The following ATP8A1 variants were observed in gnomAD, a reference collection of about 807,000 sequenced individuals.
ATP8A1 encodes ATPase phospholipid transporting 8A1, also known as phospholipid-transporting ATPase IA.
ATP8A1 carries 90 observed loss-of-function variants against 177.7 expected under a neutral mutation model. The observed-to-expected ratio is 0.51, with a 90% confidence interval of 0.43 to 0.60. The LOEUF is 0.60. Among genes scored for constraint, ATP8A1 ranks in the 20% least tolerant of loss-of-function variants. The pLI, the probability that ATP8A1 is intolerant of heterozygous loss-of-function variation, is 0.00. For missense variants in ATP8A1, 1,072 were observed against 1,392.8 expected (o/e 0.77, Z 3.67); for synonymous variants, 493 against 485.9 (o/e 1.01, Z -0.19).
chr4:42,431,779 T>C (rs1715335210), intron 33 of ATP8A1, among the ~76,000 whole-genome samples: 1 of 152,178 alleles, frequency 6.6e-6, no homozygotes, highest in African/African-American at 2.4e-5. Context: ...CTCACATTTC[T>C]CTTTTTAAAA....
chr4:42,485,984 C>A (rs1356259030), intron 24 of ATP8A1, among the ~76,000 whole-genome samples: 1 of 152,156 alleles, frequency 6.6e-6, no homozygotes. Context: ...GTTTGAAATG[C>A]TTGTTCCCCG....
intron 5 of ATP8A1, among the ~76,000 whole-genome samples, chr4:42,612,113 G>A (rs1736429263): frequency 6.6e-6 from 1 of 152,130 alleles, no homozygotes; most frequent in Non-Finnish European, 1.5e-5. Context: ...AGATAAAGTG[G>A]CAAGAACTTC....
In ATP8A1 at chr4:42,412,792, C is replaced by T. The variant is rs1055846896; in HGVS notation, c.*124G>A. On this transcript the variant is annotated 3_prime_UTR_variant, in exon 37 of 37. Transcript: ENST00000381668. ...ATACATGAATCTGAATGTCCATCAG[C>T]GAGATGAGCTCAGATCTACCTTTCC... 2.6e-5 allele frequency: 18 copies of T among 701,894 alleles called. No individual in the cohort carries two copies. The highest frequency in any genetic ancestry group is 1.3e-4 in the African/African-American group (7 of 55,882). The allele number at this position is 701,894 out of a possible 1,614,324, so 43.5% of individuals were successfully genotyped here. A position where few individuals can be genotyped will look rare whatever the true frequency, so the allele number is the denominator to read the frequency against.
chr4:42,647,712 A>G (rs1740681663), intron 1 of ATP8A1, among the ~76,000 whole-genome samples: 3 of 152,070 alleles, frequency 2.0e-5, no homozygotes, highest in Admixed American at 2.0e-4. Context: ...CTGATTTGTA[A>G]GTAGATTCCA....
At chr4:42,636,154 A>ACGCGCGGGCGCGCG (rs765930469) in intron 1 of ATP8A1, among the ~76,000 whole-genome samples, 1 of 47,540 alleles carries the variant, frequency 2.1e-5, no homozygotes, top group African/African-American at 4.3e-5. Context: ...ACACACACAC[A>ACGCGCGGGCGCGCG]CACGCACACA....
At chr4:42,605,222 A>G (rs1735676785) in intron 5 of ATP8A1, among the ~76,000 whole-genome samples, 1 of 152,208 alleles carries the variant, frequency 6.6e-6, no homozygotes, top group African/African-American at 2.4e-5. Flanking sequence ...CCAATGAACT[A>G]TTTTAACATT....
chr4:42,512,814 G>C (rs1725145721), intron 22 of ATP8A1, among the ~76,000 whole-genome samples: 1 of 152,186 alleles, frequency 6.6e-6, no homozygotes, highest in African/African-American at 2.4e-5. Context: ...GCCTGGAAAT[G>C]TGCAGTGGTT....
At chr4:42,493,344 A>G (rs2153190989) in intron 24 of ATP8A1, among the ~76,000 whole-genome samples, 1 of 152,350 alleles carries the variant, frequency 6.6e-6, no homozygotes, top group East Asian at 1.9e-4. Flanking sequence ...GAAAAGGGAA[A>G]ATTAAATGTT....
Position 42,524,790 on chromosome 4 carries a change from T to G in ATP8A1, c.1780A>C (p.Lys594Gln), listed in dbSNP as rs981593856. 3.4e-5 allele frequency: 55 copies of G among 1,610,038 alleles called. No individual in the cohort carries two copies. The highest frequency in any genetic ancestry group is 4.5e-5 in the Non-Finnish European group (53 of 1,178,278). Residue 594 changes from lysine to glutamine, a missense_variant, in exon 21 of 37, where the codon AAA (lysine) becomes CAA (glutamine). Around this residue, in one of 5 missense-constraint regions of ATP8A1, gnomAD observed 388 missense variants for 471.7 expected, o/e 0.82. Transcript: ENST00000381668. ...TCTGTAGCAAACTGCTCTAAATGTT[T>G]TAGGGTAATTTCTTTGTATTTTGAC... is the stretch of plus-strand genomic sequence containing the variant. ...ETSKYKEITL[K>Q]HLEQFATEGL...
chr4:42,584,259 G>C (rs1295209580), intron 9 of ATP8A1, among the ~76,000 whole-genome samples: 2 of 151,936 alleles, frequency 1.3e-5, no homozygotes, highest in Non-Finnish European at 2.9e-5. Context: ...AGCAGGGAAA[G>C]AAGGGAATGG....
At chr4:42,512,806 C>T (rs557083082) in intron 22 of ATP8A1, among the ~76,000 whole-genome samples, 23 of 152,256 alleles carry the variant, frequency 1.5e-4, no homozygotes, top group African/African-American at 5.5e-4. Flanking sequence ...ACGGTGAAGC[C>T]TGGAAATGTG....
At chr4:42,446,685 T>C (rs376259127) in intron 30 of ATP8A1, 41 bp from the exon 31 acceptor site, 16 of 1,547,598 alleles carry the variant, frequency 1.0e-5, no homozygotes, top group Non-Finnish European at 1.3e-5. Flanking sequence ...GAAAATGAGA[T>C]TCTTTCAGAA....
chr4:42,614,087 C>T (rs1736661708), intron 5 of ATP8A1, among the ~76,000 whole-genome samples: 1 of 142,752 alleles, frequency 7.0e-6, no homozygotes, highest in Admixed American at 7.0e-5. Flanking sequence ...GCCATAGGGC[C>T]AATCCTGTTA....
intron 35 of ATP8A1, 68 bp from the exon 36 acceptor site, chr4:42,414,786 A>C (rs981742633): frequency 8.7e-7 from 1 of 1,144,232 alleles, no homozygotes; most frequent in Non-Finnish European, 1.3e-6. Flanking sequence ...TGCCCACAGG[A>C]CCACCAAAGA....
rs181608293 is a variant in ATP8A1 at position 42,532,555 on chromosome 4, A to G, written c.1723-7708T>C. ...CCATGCCCCACTGGATTGGAATAAT[A>G]TAACTAAAATGACCATATTGCCCAA... On this transcript the variant is annotated intron_variant, in intron 20 of 36. Transcript: ENST00000381668. Among the ~76,000 whole-genome samples, 271 of 152,314 alleles carry G rather than the reference A, an allele frequency of 1.8e-3. 1 individual carries two copies. The highest frequency in any genetic ancestry group is 6.8e-3 in the Middle Eastern group (2 of 294).
At position 42,410,904 on chromosome 4, in the gene ATP8A1, T is replaced by A. The variant is rs1712524437; in HGVS notation, c.*2012A>T. On this transcript the variant is annotated 3_prime_UTR_variant, in exon 37 of 37. Coordinates refer to ENST00000381668, the MANE Select transcript of ATP8A1 (RefSeq NM_006095.2). The stretch of plus-strand genomic sequence containing the variant: ...CTTCTCTATTAACAGAATTAAACAC[T>A]ACAAAGTGTTTCTCTGGAGGGGTGC... 1 of 152,196 alleles carries A rather than the reference T, an allele frequency of 6.6e-6. No homozygotes were observed. Among genetic ancestry groups the A allele is most frequent in the Non-Finnish European group, 1.5e-5 (1 of 68,024 alleles). The allele number at this position is 152,196 out of a possible 1,614,324, so 9.4% of individuals were successfully genotyped here. A position where few individuals can be genotyped will look rare whatever the true frequency, so the allele number is the denominator to read the frequency against.
At chr4:42,588,774 T>C (rs1010592539) in intron 7 of ATP8A1, among the ~76,000 whole-genome samples, 1 of 152,196 alleles carries the variant, frequency 6.6e-6, no homozygotes, top group Admixed American at 6.5e-5. Context: ...AAATTCCAGA[T>C]TGCTAGTTCT....
At chr4:42,452,759 A>T (rs1274766866) in intron 29 of ATP8A1, among the ~76,000 whole-genome samples, 4 of 152,238 alleles carry the variant, frequency 2.6e-5, no homozygotes, top group African/African-American at 9.6e-5. Context: ...GATGTGAAAG[A>T]TTAAGTTATA....
At chr4:42,635,810 T>TACACAC (rs1266691958) in intron 1 of ATP8A1, among the ~76,000 whole-genome samples, 4 of 103,896 alleles carry the variant, frequency 3.9e-5, no homozygotes, top group African/African-American at 1.6e-4. Flanking sequence ...TATATATATA[T>TACACAC]ACACATGTAT....
Sources: gnomAD v4.1 joint callset for allele counts (sites outside exome capture counted in the v4.1 genomes callset) on GRCh38, gnomAD v4.1.1 for gene constraint, gnomAD v4.1.1 regional missense constraint, MANE v1.5 for transcripts, NCBI Gene and HGNC (gene_info 2026-07-23, HGNC 2026-07-21) for gene names.